The following CHKA variants were observed in gnomAD, a reference collection of about 807,000 sequenced individuals.
CHKA encodes the protein choline kinase alpha, also known as CHETK-alpha.
A neutral mutation model predicts 60.1 loss-of-function variants in CHKA; 34 were observed. The observed-to-expected ratio is 0.57, with a 90% CI of 0.43 to 0.75. The LOEUF (loss-of-function observed/expected upper bound fraction) is 0.75. Ranked by LOEUF, CHKA falls within the 30% of genes least tolerant of loss-of-function variation. CHKA has a pLI of 0.00. For missense variants in CHKA, 563 were observed against 561.3 expected, an observed-to-expected ratio of 1.00 and a Z score of -0.03; for synonymous variants, 217 against 223.1, an observed-to-expected ratio of 0.97 and a Z score of 0.24.
At chr11:68,067,953 C>A (rs982805925) in intron 7 of CHKA, among the ~76,000 whole-genome samples, 1 of 152,168 alleles carries the variant, frequency 6.6e-6, no homozygotes, top group Non-Finnish European at 1.5e-5. Flanking sequence ...CAAGGTGGGA[C>A]CTGAACTACT....
chr11:68,072,189 C>A (rs1391914002), intron 4 of CHKA, among the ~76,000 whole-genome samples: 1 of 152,174 alleles, frequency 6.6e-6, no homozygotes, highest in Admixed American at 6.5e-5. Flanking sequence ...GCTATTCTCA[C>A]ATGCCCTTTG....
intron 1 of CHKA, among the ~76,000 whole-genome samples, chr11:68,104,280 A>G (rs966504801): frequency 6.6e-6 from 1 of 152,124 alleles, no homozygotes; most frequent in Non-Finnish European, 1.5e-5. Flanking sequence ...AGAATCTAAA[A>G]AAGTTGATCT....
chr11:68,105,775 A>C (rs1590878050), intron 1 of CHKA, among the ~76,000 whole-genome samples: 1 of 152,228 alleles, frequency 6.6e-6, no homozygotes, highest in Admixed American at 6.5e-5. Flanking sequence ...AACCAACTAT[A>C]TTTTGCTGAA....
At chr11:68,081,675 G>A (rs904846526) in intron 2 of CHKA, 2 of 485,474 alleles carry the variant, frequency 4.1e-6, no homozygotes, top group Non-Finnish European at 7.5e-6. Flanking sequence ...ACGAGAAAAG[G>A]GATGTGCCGG....
At chr11:68,077,016 T>C (rs1565179466) in intron 3 of CHKA, among the ~76,000 whole-genome samples, 1 of 152,128 alleles carries the variant, frequency 6.6e-6, no homozygotes, top group Non-Finnish European at 1.5e-5. Flanking sequence ...GGAGGGCAGA[T>C]CACCTGAGGT....
At chr11:68,057,226 G>C (rs1856055647) in intron 11 of CHKA, among the ~76,000 whole-genome samples, 1 of 152,176 alleles carries the variant, frequency 6.6e-6, no homozygotes, top group East Asian at 1.9e-4. Flanking sequence ...TGGTTTTTAT[G>C]TGTTTCCTGC....
intron 2 of CHKA, among the ~76,000 whole-genome samples, chr11:68,091,761 A>G (rs1857356714): frequency 1.3e-5 from 2 of 152,314 alleles, no homozygotes; most frequent in East Asian, 1.9e-4. Flanking sequence ...GAAAAATGAG[A>G]AAGTTGAGAA....
chr11:68,121,222 G>A lies in CHKA; in HGVS notation c.-45C>T, dbSNP rs1590894301. 2 of 1,115,558 alleles carry A rather than the reference G, an allele frequency of 1.8e-6. No individual in the cohort carries two copies. The highest frequency in any genetic ancestry group is 1.1e-6 in the Non-Finnish European group (1 of 913,492). 69.1% of individuals were successfully genotyped at this position (1,115,558 alleles called of 1,614,324 possible). A position where few individuals can be genotyped will look rare whatever the true frequency, so the allele number is the denominator to read the frequency against. On this transcript the variant is annotated 5_prime_UTR_variant, in exon 1 of 12. Coordinates refer to ENST00000265689, the MANE Select transcript of CHKA (RefSeq NM_001277.3). ...AGGCGCGGGCGGCCGCAGCGCGAGA[G>A]GACTAGGCTCAGAGTCCGGCCGGGC... is the stretch of plus-strand genomic sequence containing the variant.
chr11:68,072,992 T>A (rs1856671418), intron 4 of CHKA, among the ~76,000 whole-genome samples: 1 of 152,074 alleles, frequency 6.6e-6, no homozygotes, highest in South Asian at 2.1e-4. Context: ...GAGACTCCCA[T>A]CTCAAAAAAT....
In CHKA at chr11:68,113,339, T is replaced by C. The variant is rs368144162; in HGVS notation, c.350+7489A>G. 8.5e-5 allele frequency among the ~76,000 whole-genome samples: 13 copies of C among 152,136 alleles called. No homozygotes were observed. The South Asian group carries it at 2.7e-3, about 32-fold the overall frequency. Reference sequence around the variant, plus strand: ...AACTGACATCTCATCAAAGAAGATATACAGATAGCAAATAAGCATCTGAAA... The same window carrying C: ...AACTGACATCTCATCAAAGAAGATACACAGATAGCAAATAAGCATCTGAAA... On this transcript the variant is annotated intron_variant, in intron 1 of 11. Coordinates refer to ENST00000265689, the MANE Select transcript of CHKA (RefSeq NM_001277.3).
intron 11 of CHKA, among the ~76,000 whole-genome samples, chr11:68,054,851 G>A (rs924337619): frequency 6.6e-6 from 1 of 152,296 alleles, no homozygotes; most frequent in Admixed American, 6.5e-5. Context: ...GGCAGCCACC[G>A]ACTCAATATC....
At chr11:68,087,305 C>T (rs763506962) in intron 2 of CHKA, among the ~76,000 whole-genome samples, 4 of 152,092 alleles carry the variant, frequency 2.6e-5, no homozygotes, top group Non-Finnish European at 5.9e-5. Context: ...CATGGTGAAA[C>T]CCAATCTCTA....
intron 1 of CHKA, among the ~76,000 whole-genome samples, chr11:68,116,953 C>A (rs1858408951): frequency 6.6e-6 from 1 of 152,108 alleles, no homozygotes; most frequent in African/African-American, 2.4e-5. Context: ...CCAACTTAAG[C>A]TAAAAATGAC....
chr11:68,070,438 G>T, intron 5 of CHKA, 145 bp from the exon 6 acceptor site: 1 of 713,708 alleles, frequency 1.4e-6, no homozygotes, highest in African/African-American at 1.8e-5. Context: ...ATGACTGAGG[G>T]GAAGAGGAGT....
In CHKA at chr11:68,053,714, G is replaced by T. The variant is rs1051398161; in HGVS notation, c.*274C>A. On this transcript the variant is annotated 3_prime_UTR_variant, in exon 12 of 12. Coordinates refer to ENST00000265689, the MANE Select transcript of CHKA (RefSeq NM_001277.3). ...AAACCTTAGCCCCCAAATATGAAAT[G>T]CCTTCTCTAGATTAAAAGGATTCAG... 5.6e-6 allele frequency: 2 copies of T among 354,282 alleles called. No individual in the cohort carries two copies. The allele number at this position is 354,282 out of a possible 1,614,324, so 21.9% of individuals were successfully genotyped here.
chr11:68,073,927 G>A (rs191131066), intron 4 of CHKA, among the ~76,000 whole-genome samples: 78 of 152,296 alleles, frequency 5.1e-4, no homozygotes, highest in Non-Finnish European at 1.2e-4. Context: ...GATCTATCTA[G>A]GAAGAGAGTG....
chr11:68,072,592 G>A (rs1011905226), intron 4 of CHKA, among the ~76,000 whole-genome samples: 2 of 150,118 alleles, frequency 1.3e-5, no homozygotes, highest in African/African-American at 2.5e-5. Flanking sequence ...AATAACATAC[G>A]GTATTAGGTT....
chr11:68,058,817 C>T (rs1369869762), intron 11 of CHKA, among the ~76,000 whole-genome samples: 1 of 152,190 alleles, frequency 6.6e-6, no homozygotes, highest in African/African-American at 2.4e-5. Flanking sequence ...GAACAGGCGT[C>T]CTTGCATGTT....
At chr11:68,099,123 C>G (rs773047990) in intron 1 of CHKA, among the ~76,000 whole-genome samples, 5 of 151,988 alleles carry the variant, frequency 3.3e-5, no homozygotes, top group Non-Finnish European at 7.4e-5. Flanking sequence ...CTGTCCAGAA[C>G]AAGGAAATCT....
Sources: gnomAD v4.1 joint callset for allele counts (sites outside exome capture counted in the v4.1 genomes callset) on GRCh38, gnomAD v4.1.1 for gene constraint, MANE v1.5 for transcripts, NCBI Gene and HGNC (gene_info 2026-07-23, HGNC 2026-07-21) for gene names.